Variants in SHANK1 observed in about 807,000 individuals in gnomAD.
The protein encoded by SHANK1 is SH3 and multiple ankyrin repeat domains 1, also known as SH3 and multiple ankyrin repeat domains protein 1.
SHANK1 carries 35 observed loss-of-function variants against 165.6 expected under a neutral mutation model. The ratio of observed to expected loss-of-function variants is 0.21; its 90% CI spans 0.16 to 0.28. SHANK1 has a LOEUF of 0.28. Among genes scored for constraint, SHANK1 ranks in the 10% least tolerant of loss-of-function variants. The probability of loss-of-function intolerance (pLI) is 1.00; values close to 1 mark genes in which losing one functional copy is unlikely to be tolerated. For missense variants in SHANK1, 2,681 were observed against 3,036.4 expected, an observed-to-expected ratio of 0.88 and a Z score of 2.75; for synonymous variants, 1,428 against 1,384.8, an observed-to-expected ratio of 1.03 and a Z score of -0.69.
chr19:50,695,637 G>A (rs1312813011), intron 15 of SHANK1, among the ~76,000 whole-genome samples: 1 of 151,932 alleles, frequency 6.6e-6, no homozygotes, highest in Non-Finnish European at 1.5e-5. Context: ...CGGACGCGCG[G>A]ACGGAGCCCC....
rs756648557 is a variant in SHANK1 at position 50,702,639 on chromosome 19, T to C, written c.1575A>G (p.Glu525=). The C allele has an allele frequency of 1.3e-6, 2 of 1,576,046 alleles. No individual in the cohort carries two copies. Among genetic ancestry groups the C allele is most frequent in the East Asian group, 4.6e-5 (2 of 43,068 alleles). Residue 525 remains glutamate, a synonymous_variant, in exon 12 of 24, where the codon GAA becomes GAG. Transcript: ENST00000293441. This position sits in a 1 kb window ranked among gnomAD's most constrained non-coding sequence, Gnocchi z 5.3. The part of the protein sequence containing the change: ...GRPSSSGTPR[E]GPAGGTGGSG... ...AGCCCCCCGTGCCCCCGGCTGGCCC[T>C]TCCCGGGGTGTCCCGCTGGAGCTGC...
rs775708037 is a variant in SHANK1 at position 50,661,968 on chromosome 19, C to T, written c.6483G>A (p.Arg2161=). 5 of 1,613,948 alleles carry T rather than the reference C, an allele frequency of 3.1e-6. No homozygotes were observed. The East Asian group carries it at 1.1e-4, about 36-fold the overall frequency. The stretch of plus-strand genomic sequence containing the variant: ...GCTGGTCCGTCCAGGCCAGCCATCA[C>T]CTCTCCAGGAAGAATTTGAGAGCCC... ...IDRALKFFLE[R] The change falls in exon 24 of 24, where the codon AGG becomes AGA. Residue 2161 remains arginine (R), a synonymous_variant. Transcript: ENST00000293441.
rs1235440251 is a variant in SHANK1 at position 50,686,933 on chromosome 19, G to T, written c.2390-121C>A. ...GGGCGTGGCGGGCGCGAGAGGGGCA[G>T]TGAGGGGCCGGGGTCAGGGAGGGGC... On this transcript the variant is annotated intron_variant, in intron 19 of 23. Transcript: ENST00000293441. The surrounding 1 kb of genome is among the most constrained non-coding windows in gnomAD (Gnocchi z 5.7). The T allele has an allele frequency of 7.3e-7, 1 of 1,377,438 alleles. No homozygotes were observed. Among genetic ancestry groups the T allele is most frequent in the Admixed American group, 2.7e-5 (1 of 37,692 alleles). 85.3% of individuals were successfully genotyped at this position (1,377,438 alleles called of 1,614,324 possible). A position where few individuals can be genotyped will look rare whatever the true frequency, so the allele number is the denominator to read the frequency against.
rs938441904 is a variant in SHANK1, at chr19:50,661,585, C to A, written c.*380G>T. ...TGGCAGGTGGTGGAATCCGAGGGCA[C>A]CCCCTTCCCCTGCGGCCTGGGGGAC... is the stretch of plus-strand genomic sequence containing the variant. On this transcript the variant is annotated 3_prime_UTR_variant, in exon 24 of 24. Coordinates refer to ENST00000293441, the MANE Select transcript of SHANK1 (RefSeq NM_016148.5). Among the ~76,000 whole-genome samples, 3 of 151,944 alleles carry A rather than the reference C, an allele frequency of 2.0e-5. No homozygotes were observed. Among genetic ancestry groups the A allele is most frequent in the Non-Finnish European group, 2.9e-5 (2 of 67,952 alleles).
Position 50,686,280 on chromosome 19 carries a change from G to C in SHANK1, c.2534C>G (p.Ala845Gly). ...ASESPGPGGL[A>G]SLGKHRPKGF... The stretch of plus-strand genomic sequence containing the variant: ...TTTGGGTCGGTGTTTGCCCAGGGAC[G>C]CGAGGCCACCGGGACCAGGGCTTTC... The change falls in exon 21 of 24, where the codon GCG (alanine) becomes GGG (glycine). Residue 845 changes from alanine to glycine, a missense_variant. Physicochemically the swap from Ala to Gly is moderately conservative, Grantham distance 60. Transcript: ENST00000293441. The surrounding 1 kb of genome is among the most constrained non-coding windows in gnomAD (Gnocchi z 5.7). 6.2e-7 allele frequency: 1 copy of C among 1,606,896 alleles called. No homozygotes were observed. The highest frequency in any genetic ancestry group is 8.5e-7 in the Non-Finnish European group (1 of 1,176,250).
chr19:50,710,837 T>G (rs1182824512), intron 8 of SHANK1, among the ~76,000 whole-genome samples: 1 of 152,254 alleles, frequency 6.6e-6, no homozygotes, highest in Non-Finnish European at 1.5e-5. Flanking sequence ...ACTGGCTGAA[T>G]GCAGACACAG....
At position 50,668,851 on chromosome 19, in the gene SHANK1, G is replaced by C. The variant is rs1363920675; in HGVS notation, c.3109C>G (p.Pro1037Ala). Reference sequence around the variant, plus strand: ...GGCTGGGGCCCCAGAGCCAGGCGGGGTGGAGGGTCGTCGGGAGAGCCGCCT... The same window carrying C: ...GGCTGGGGCCCCAGAGCCAGGCGGGCTGGAGGGTCGTCGGGAGAGCCGCCT... ...ETGGSPDDPP[P>A]RLALGPQPSL... Residue 1037 changes from proline to alanine, a missense_variant, in exon 23 of 24, where the codon CCC becomes GCC. Coordinates refer to ENST00000293441, the MANE Select transcript of SHANK1 (RefSeq NM_016148.5). 7.8e-7 allele frequency: 1 copy of C among 1,288,048 alleles called. No individual in the cohort carries two copies. The highest frequency in any genetic ancestry group is 9.8e-7 in the Non-Finnish European group (1 of 1,023,614). The allele number at this position is 1,288,048 out of a possible 1,614,324, so 79.8% of individuals were successfully genotyped here.
At chr19:50,699,584 A>C (rs1380961210) in intron 12 of SHANK1, among the ~76,000 whole-genome samples, 1 of 152,166 alleles carries the variant, frequency 6.6e-6, no homozygotes, top group Non-Finnish European at 1.5e-5. Context: ...AGCATGTTTG[A>C]AGAGTTTGGT....
At chr19:50,705,188 A>G (rs1599867853) in intron 8 of SHANK1, among the ~76,000 whole-genome samples, 1 of 147,904 alleles carries the variant, frequency 6.8e-6, no homozygotes, top group African/African-American at 2.5e-5. Context: ...CAGAAAATAC[A>G]AAAATTAGCC....
At chr19:50,687,463 G>A (rs1008245778) in intron 19 of SHANK1, 119 bp downstream of exon 19, 1 of 738,494 alleles carries the variant, frequency 1.4e-6, no homozygotes, top group Admixed American at 3.0e-5. Context: ...CCATGGACTG[G>A]GGACAGGATG....
chr19:50,688,261 G>C lies in SHANK1; in HGVS notation c.2173-203C>G, dbSNP rs1358049152. On this transcript the variant is annotated intron_variant, in intron 17 of 23. Transcript: ENST00000293441. The surrounding 1 kb of genome is among the most constrained non-coding windows in gnomAD (Gnocchi z 6.7). ...TCCCTGGCCCCAGGGTTGGGGGAGA[G>C]GCTCAGCCTACCCTATTCACTTCCC... Among the ~76,000 whole-genome samples, 7 of 152,092 alleles carry C rather than the reference G, an allele frequency of 4.6e-5. No homozygotes were observed. Among genetic ancestry groups the C allele is most frequent in the Non-Finnish European group, 1.0e-4 (7 of 67,990 alleles).
chr19:50,669,128 G>A lies in SHANK1; in HGVS notation c.2832C>T (p.Arg944=). The A allele has an allele frequency of 1.3e-6, 2 of 1,530,954 alleles. No individual in the cohort carries two copies. The highest frequency in any genetic ancestry group is 1.8e-6 in the Non-Finnish European group (2 of 1,138,480). The allele number at this position is 1,530,954 out of a possible 1,614,324, so 94.8% of individuals were successfully genotyped here. The part of the protein sequence containing the change: ...STPPVPSSSG[R]LTPSPRGGPF... The stretch of plus-strand genomic sequence containing the variant: ...GCCCTCCCCGAGGGGAGGGGGTGAG[G>A]CGCCCTGAGGAGGAGGGGACTGGAG... Residue 944 remains arginine (R), a synonymous_variant, in exon 23 of 24, where the codon CGC becomes CGT. Transcript: ENST00000293441.
chr19:50,697,248 C>T lies in SHANK1; in HGVS notation c.1938-126G>A, dbSNP rs576858540. The T allele has an allele frequency of 5.2e-4, 723 of 1,382,606 alleles. 2 individuals carry two copies. The highest frequency in any genetic ancestry group is 1.1e-3 in the Admixed American group (63 of 59,012). 85.6% of individuals were successfully genotyped at this position (1,382,606 alleles called of 1,614,324 possible). Reference sequence around the variant, plus strand: ...CCGGTGCATGGGACACACACATTCCCACTGCACATGACTGCACAGAGATGG... The same window carrying T: ...CCGGTGCATGGGACACACACATTCCTACTGCACATGACTGCACAGAGATGG... On this transcript the variant is annotated intron_variant, in intron 14 of 23. Transcript: ENST00000293441. This position sits in a 1 kb window ranked among gnomAD's most constrained non-coding sequence, Gnocchi z 4.7.
intron 15 of SHANK1, among the ~76,000 whole-genome samples, chr19:50,695,775 C>A (rs1986719663): frequency 1.3e-5 from 2 of 152,104 alleles, no homozygotes; most frequent in Admixed American, 6.5e-5. Context: ...CAGACTGGGC[C>A]CCAAGGCCAT....
intron 8 of SHANK1, among the ~76,000 whole-genome samples, chr19:50,707,876 T>TTTTTCTTTTCTTTTATTTTCTTTTC: frequency 1.1e-5 from 1 of 95,106 alleles, no homozygotes; most frequent in African/African-American, 4.0e-5. Flanking sequence ...CTTTTGCGTG[T>TTTTTCTTTTCTTTTATTTTCTTTTC]TTTTCTTTTC....
Position 50,711,981 on chromosome 19 carries a change from A to G in SHANK1, c.926T>C (p.Ile309Thr). 6.8e-6 allele frequency: 11 copies of G among 1,614,050 alleles called. No individual in the cohort carries two copies. Among genetic ancestry groups the G allele is most frequent in the South Asian group, 1.1e-5 (1 of 91,084 alleles). The stretch of plus-strand genomic sequence containing the variant: ...TTCCTGCCAGCCGTTCTCATCAGCT[A>G]TGCCCAGCTGGGCCCTGTTGAACAG... ...LLLFNRAQLG[I>T]ADENGWQEIH... Residue 309 changes from isoleucine to threonine, a missense_variant, in exon 7 of 24, where the codon ATA becomes ACA. Ile to Thr is a moderately conservative substitution (Grantham distance 89). Transcript: ENST00000293441.
At chr19:50,685,877 G>C (rs1986315972) in intron 21 of SHANK1, among the ~76,000 whole-genome samples, 1 of 152,122 alleles carries the variant, frequency 6.6e-6, no homozygotes, top group African/African-American at 2.4e-5. Flanking sequence ...TAAGTACTAC[G>C]TGTTGGGTAT....
At chr19:50,689,832 G>A (rs187597665) in intron 15 of SHANK1, among the ~76,000 whole-genome samples, 1 of 152,174 alleles carries the variant, frequency 6.6e-6, no homozygotes, top group African/African-American at 2.4e-5. Flanking sequence ...AAGTCAAGAG[G>A]ACTCATGTAC....
At position 50,668,629 on chromosome 19, in the gene SHANK1, C is replaced by A; in HGVS notation, c.3331G>T (p.Val1111Phe). 1 of 1,371,480 alleles carries A rather than the reference C, an allele frequency of 7.3e-7. No individual in the cohort carries two copies. Among genetic ancestry groups the A allele is most frequent in the Non-Finnish European group, 9.4e-7 (1 of 1,059,306 alleles). 85.0% of individuals were successfully genotyped at this position (1,371,480 alleles called of 1,614,324 possible). A position where few individuals can be genotyped will look rare whatever the true frequency, so the allele number is the denominator to read the frequency against. The change falls in exon 23 of 24, where the codon GTC becomes TTC. Residue 1111 changes from valine (V) to phenylalanine (F), a missense_variant. Physicochemically the swap from Val to Phe is conservative, Grantham distance 50. Around this residue, in one of 10 missense-constraint regions of SHANK1, gnomAD observed 1,713 missense variants for 1,630.2 expected, o/e 1.05. Transcript: ENST00000293441. ...RSGRGRKGPL[V>F]KQTKVEGEPQ... ...TCGCCTTCCACCTTGGTCTGCTTGA[C>A]CAGCGGGCCCTTGCGGCCGCGGCCC...
Sources: gnomAD v4.1 joint callset for allele counts (sites outside exome capture counted in the v4.1 genomes callset) on GRCh38, gnomAD v4.1.1 for gene constraint, gnomAD v4.1.1 regional missense constraint, Gnocchi (gnomAD v3.1) non-coding constraint, MANE v1.5 for transcripts, NCBI Gene and HGNC (gene_info 2026-07-23, HGNC 2026-07-21) for gene names.